ROBO2: variants seen among roughly 807,000 people sequenced by gnomAD.
The protein encoded by ROBO2 is roundabout guidance receptor 2.
A neutral mutation model predicts 160.8 loss-of-function variants in ROBO2; 53 were observed. The ratio of observed to expected loss-of-function variants is 0.33; its 90% CI spans 0.26 to 0.41. ROBO2 has a LOEUF of 0.41. ROBO2 is among the 10% of genes least tolerant of loss of function. ROBO2 has a pLI of 1.00. For synonymous variants in ROBO2, 664 were observed against 611.7 expected (o/e 1.09, Z -1.26); for missense variants, 1,577 against 1,722.4 (o/e 0.92, Z 1.49).
intron 2 of ROBO2, among the ~76,000 whole-genome samples, chr3:76,414,899 T>C (rs1235394404): frequency 6.6e-6 from 1 of 152,160 alleles, no homozygotes; most frequent in Non-Finnish European, 1.5e-5. Flanking sequence ...CACTGTCTCT[T>C]TGTGAAAGGA....
intron 2 of ROBO2, among the ~76,000 whole-genome samples, chr3:76,635,114 A>G (rs1444800866): frequency 1.3e-5 from 2 of 152,142 alleles, no homozygotes; most frequent in East Asian, 3.9e-4. Flanking sequence ...TATTACAAAT[A>G]CTAATATCGG....
chr3:77,191,417 T>G (rs557900800), intron 2 of ROBO2, among the ~76,000 whole-genome samples: 9 of 152,250 alleles, frequency 5.9e-5, no homozygotes, highest in Admixed American at 5.9e-4. Context: ...TTTCACTAGA[T>G]CATTCAACTC....
chr3:77,473,825 G>T (rs116031533), intron 2 of ROBO2, among the ~76,000 whole-genome samples: 2,651 of 152,174 alleles, frequency 0.017, 71 homozygotes, highest in African/African-American at 0.059. Context: ...CTGAGGACTT[G>T]TTTACCCTCA....
intron 2 of ROBO2, among the ~76,000 whole-genome samples, chr3:76,799,292 G>T (rs189678357): frequency 2.6e-5 from 4 of 151,930 alleles, no homozygotes; most frequent in Admixed American, 6.6e-5. Flanking sequence ...GGAAAAAATT[G>T]AAAGCCTTTC....
chr3:75,975,788 A>G (rs1219018528), intron 2 of ROBO2, among the ~76,000 whole-genome samples: 1 of 151,632 alleles, frequency 6.6e-6, no homozygotes, highest in Non-Finnish European at 1.5e-5. Context: ...ATTTATTAGC[A>G]TAAAATAACT....
At chr3:76,580,342 G>GTTTTTTTTTTGTTTTTTTTTTT (rs2085604163) in intron 2 of ROBO2, among the ~76,000 whole-genome samples, 2 of 90,562 alleles carry the variant, frequency 2.2e-5, no homozygotes, top group Admixed American at 1.4e-4. Flanking sequence ...TTTTTTTTGT[G>GTTTTTTTTTTGTTTTTTTTTTT]TTTTTTTTTT....
At chr3:76,137,299 C>T (rs1389589886) in intron 2 of ROBO2, among the ~76,000 whole-genome samples, 1 of 151,922 alleles carries the variant, frequency 6.6e-6, no homozygotes, top group Admixed American at 6.6e-5. Context: ...TTCTGGTTTT[C>T]GTAGTGGTAT....
At chr3:76,301,851 C>G (rs1049624686) in intron 2 of ROBO2, among the ~76,000 whole-genome samples, 1 of 152,070 alleles carries the variant, frequency 6.6e-6, no homozygotes, top group South Asian at 2.1e-4. Flanking sequence ...TTTTCTAAAC[C>G]CTTCTGAGAG....
chr3:77,285,406 A>G (rs915511458), intron 2 of ROBO2, among the ~76,000 whole-genome samples: 6 of 152,210 alleles, frequency 3.9e-5, no homozygotes, highest in African/African-American at 1.4e-4. Context: ...ACCGTCTGCT[A>G]TACAATCTAT....
intron 21 of ROBO2, among the ~76,000 whole-genome samples, chr3:77,613,233 T>A (rs561908520): frequency 0.011 from 1,601 of 151,828 alleles, 31 homozygotes; most frequent in African/African-American, 0.037. Context: ...TTTTTTTTTT[T>A]AAATTTCATG....
intron 2 of ROBO2, among the ~76,000 whole-genome samples, chr3:77,292,863 T>C (rs373513406): frequency 6.1e-5 from 8 of 131,550 alleles, no homozygotes; most frequent in South Asian, 5.0e-4. Flanking sequence ...GCTAGATCAC[T>C]AAAGACATAA....
chr3:76,304,799 T>TTTCG, intron 2 of ROBO2, among the ~76,000 whole-genome samples: 1 of 136,350 alleles, frequency 7.3e-6, no homozygotes, highest in South Asian at 2.4e-4. Flanking sequence ...TCTTTCTTTC[T>TTTCG]CTTTCTTTTT....
chr3:77,499,848 C>T (rs2087317362), intron 5 of ROBO2, among the ~76,000 whole-genome samples: 1 of 151,952 alleles, frequency 6.6e-6, no homozygotes, highest in Admixed American at 6.6e-5. Context: ...GGGATTTCAC[C>T]ATGTTGGCCA....
At chr3:77,158,429 G>GT (rs2078202023) in intron 2 of ROBO2, among the ~76,000 whole-genome samples, 1 of 152,086 alleles carries the variant, frequency 6.6e-6, no homozygotes, top group African/African-American at 2.4e-5. Context: ...TATGAGGTAA[G>GT]TTAATACATG....
At chr3:76,523,585 AC>A (rs918565089) in intron 2 of ROBO2, among the ~76,000 whole-genome samples, 3 of 152,022 alleles carry the variant, frequency 2.0e-5, no homozygotes, top group Non-Finnish European at 4.4e-5. Context: ...AGAGCTCATG[AC>A]TATGGTTTTT....
At chr3:77,356,507 G>A (rs1560609964) in intron 2 of ROBO2, among the ~76,000 whole-genome samples, 1 of 152,078 alleles carries the variant, frequency 6.6e-6, no homozygotes, top group Admixed American at 6.6e-5. Context: ...GTATGTAGAC[G>A]AAAAGAAATA....
At chr3:76,225,941 T>A (rs903569620) in intron 2 of ROBO2, among the ~76,000 whole-genome samples, 1 of 152,124 alleles carries the variant, frequency 6.6e-6, no homozygotes, top group East Asian at 1.9e-4. Context: ...TATGGACCAA[T>A]TGCAAATATT....
chr3:76,618,257 G>T (rs1487319398), intron 2 of ROBO2, among the ~76,000 whole-genome samples: 1 of 151,424 alleles, frequency 6.6e-6, no homozygotes, highest in Admixed American at 6.6e-5. Flanking sequence ...CCCATGCTTG[G>T]CATGTTGTAA....
intron 2 of ROBO2, among the ~76,000 whole-genome samples, chr3:76,078,553 C>T (rs2068717331): frequency 6.6e-6 from 1 of 151,940 alleles, no homozygotes; most frequent in South Asian, 2.1e-4. Flanking sequence ...TTTGTAGAGA[C>T]AGGGTGTCCC....
Sources: allele counts gnomAD v4.1 joint callset (sites outside exome capture counted in the v4.1 genomes callset), GRCh38; gene constraint gnomAD v4.1.1; transcripts MANE v1.5; gene names NCBI Gene and HGNC (gene_info 2026-07-23, HGNC 2026-07-21).